The following EIF4G3 variants were observed in gnomAD, a reference collection of about 807,000 sequenced individuals.
EIF4G3 encodes eukaryotic translation initiation factor 4 gamma 3, also known as eIF-4-gamma 3.
A neutral mutation model predicts 186.4 loss-of-function variants in EIF4G3; 34 were observed. The observed-to-expected ratio is 0.18, with a 90% CI of 0.14 to 0.24. EIF4G3 has a LOEUF of 0.24. EIF4G3 is among the 10% of genes least tolerant of loss of function. EIF4G3 has a pLI of 1.00. For synonymous variants in EIF4G3, 673 were observed against 679.5 expected (o/e 0.99, Z 0.15); for missense variants, 1,536 against 1,948.5 (o/e 0.79, Z 3.99).
intron 2 of EIF4G3, among the ~76,000 whole-genome samples, chr1:21,094,797 TA>T (rs2096314671): frequency 7.0e-6 from 1 of 142,090 alleles, no homozygotes; most frequent in South Asian, 2.2e-4. Context: ...ATAATAATAA[TA>T]ATAATAAAAG....
chr1:21,071,738 G>A (rs371431901), intron 3 of EIF4G3, among the ~76,000 whole-genome samples: 2 of 151,496 alleles, frequency 1.3e-5, no homozygotes, highest in Non-Finnish European at 1.5e-5. Flanking sequence ...CCCAGGAGGC[G>A]GAGATTGCAG....
Position 21,128,506 on chromosome 1 carries a change from T to A in EIF4G3, c.-271-39293A>T, listed in dbSNP as rs560079370. ...CCTGGGTGACAAGAGCAAAACTCCA[T>A]CTCAAAAACAAAAAAAAAAGTTTCA... is the stretch of plus-strand genomic sequence containing the variant. On this transcript the variant is annotated intron_variant, in intron 2 of 36. Coordinates refer to ENST00000602326, the MANE Select transcript of EIF4G3 (RefSeq NM_001391906.1). Among the ~76,000 whole-genome samples the A allele has an allele frequency of 1.8e-3, 274 of 151,782 alleles. 1 individual carries two copies. The highest frequency in any genetic ancestry group is 6.5e-3 in the African/African-American group (269 of 41,390).
At chr1:20,961,157 G>A (rs1036960810) in intron 12 of EIF4G3, among the ~76,000 whole-genome samples, 1 of 152,130 alleles carries the variant, frequency 6.6e-6, no homozygotes, top group African/African-American at 2.4e-5. Context: ...GGCCGAGGTG[G>A]GCGGATCATG....
intron 3 of EIF4G3, among the ~76,000 whole-genome samples, chr1:21,054,301 T>C (rs1268260993): frequency 1.4e-5 from 2 of 142,478 alleles, no homozygotes; most frequent in Non-Finnish European, 3.1e-5. Flanking sequence ...CACCACTCCC[T>C]AATCTCAAGT....
At chr1:21,035,881 C>T (rs1236051039) in intron 4 of EIF4G3, among the ~76,000 whole-genome samples, 1 of 152,108 alleles carries the variant, frequency 6.6e-6, no homozygotes, top group East Asian at 1.9e-4. Flanking sequence ...TCTGGGCTGC[C>T]CACGGACCAA....
chr1:21,074,388 G>C (rs1469211510), intron 3 of EIF4G3, among the ~76,000 whole-genome samples: 2 of 151,926 alleles, frequency 1.3e-5, no homozygotes, highest in African/African-American at 2.4e-5. Flanking sequence ...CAAATGACTG[G>C]CAAATTCTAA....
intron 2 of EIF4G3, among the ~76,000 whole-genome samples, chr1:21,107,465 C>A (rs190665607): frequency 2.6e-5 from 4 of 152,254 alleles, no homozygotes; most frequent in African/African-American, 9.6e-5. Flanking sequence ...AGCTACCGGG[C>A]CCAACCTGAA....
chr1:20,892,557 C>A (rs6685306), intron 18 of EIF4G3: 1 of 1,135,152 alleles, frequency 8.8e-7, no homozygotes, highest in East Asian at 2.6e-5. Flanking sequence ...ATAAAAAGAG[C>A]GTAACAGAAA....
At chr1:21,112,041 T>C (rs2096735597) in intron 2 of EIF4G3, among the ~76,000 whole-genome samples, 1 of 152,210 alleles carries the variant, frequency 6.6e-6, no homozygotes, top group Non-Finnish European at 1.5e-5. Context: ...AGGAAAATTA[T>C]GGAAAAAATC....
chr1:20,937,394 C>T (rs920523280), intron 14 of EIF4G3, among the ~76,000 whole-genome samples: 1 of 152,202 alleles, frequency 6.6e-6, no homozygotes, highest in African/African-American at 2.4e-5. Context: ...GATTTAGTTC[C>T]AGCAAATGCT....
chr1:21,043,868 CG>C (rs748991825), intron 4 of EIF4G3, among the ~76,000 whole-genome samples: 797 of 20,246 alleles, frequency 0.039, 65 homozygotes, highest in East Asian at 0.094. Context: ...GAAACCTTGG[CG>C]CAAAAAAAAA....
Position 20,857,514 on chromosome 1 carries a change from G to A in EIF4G3, c.3245-17C>T. The A allele has an allele frequency of 1.3e-6, 2 of 1,596,480 alleles. No individual in the cohort carries two copies. The highest frequency in any genetic ancestry group is 8.6e-7 in the Non-Finnish European group (1 of 1,163,906). On this transcript the variant is annotated splice_polypyrimidine_tract_variant and intron_variant, in intron 24 of 36. Transcript: ENST00000602326. ...TCTGGACACCTGCAGGGAGAACAGA[G>A]TGGGAGTCTCTCATCTGTCTCAAGT...
At chr1:20,983,424 T>G (rs763108974) in intron 7 of EIF4G3, among the ~76,000 whole-genome samples, 2 of 152,218 alleles carry the variant, frequency 1.3e-5, no homozygotes, top group Non-Finnish European at 2.9e-5. Context: ...ATTTTTTTGT[T>G]GGCTGCTAAA....
rs138876808 is a variant in EIF4G3 at position 21,028,591 on chromosome 1, G to A, written c.-67+22275C>T. 5.2e-3 allele frequency among the ~76,000 whole-genome samples: 785 copies of A among 152,292 alleles called. 8 individuals are homozygous for A. Among genetic ancestry groups the A allele is most frequent in the African/African-American group, 0.018 (753 of 41,546 alleles). On this transcript the variant is annotated intron_variant, in intron 4 of 36. Coordinates refer to ENST00000602326, the MANE Select transcript of EIF4G3 (RefSeq NM_001391906.1). ...ATGATTATCCTTTCAAACCAAACAC[G>A]TTACAATATACTTTTATAAGCTTAA...
chr1:20,865,289 A>T, intron 20 of EIF4G3, 27 bp from the exon 21 acceptor site: 1 of 1,606,192 alleles, frequency 6.2e-7, no homozygotes. Flanking sequence ...AAATAAAAAA[A>T]ATCAACAAGA....
At chr1:20,961,224 AAC>A (rs2096561765) in intron 12 of EIF4G3, among the ~76,000 whole-genome samples, 2 of 152,134 alleles carry the variant, frequency 1.3e-5, no homozygotes, top group South Asian at 4.2e-4. Context: ...CTCTACTAAA[AAC>A]ACAAAAATTA....
At chr1:20,871,357 T>C (rs984750511) in intron 20 of EIF4G3, among the ~76,000 whole-genome samples, 12 of 152,230 alleles carry the variant, frequency 7.9e-5, no homozygotes, top group African/African-American at 2.2e-4. Context: ...CTGTGCACTA[T>C]AGAAAGCTCA....
At chr1:20,996,182 T>G (rs911292868) in intron 7 of EIF4G3, among the ~76,000 whole-genome samples, 3 of 152,232 alleles carry the variant, frequency 2.0e-5, no homozygotes, top group African/African-American at 4.8e-5. Context: ...ATTTTCATTA[T>G]CTAATTTACT....
chr1:20,951,847 T>C (rs1402641420), intron 12 of EIF4G3, among the ~76,000 whole-genome samples: 1 of 152,122 alleles, frequency 6.6e-6, no homozygotes, highest in African/African-American at 2.4e-5. Context: ...CTAGAGTCAA[T>C]GATTTTTCCA....
Sources: gnomAD v4.1 joint callset for allele counts (sites outside exome capture counted in the v4.1 genomes callset) on GRCh38, gnomAD v4.1.1 for gene constraint, MANE v1.5 for transcripts, NCBI Gene and HGNC (gene_info 2026-07-23, HGNC 2026-07-21) for gene names.